FAM171A1: variants seen among roughly 807,000 people sequenced by gnomAD.
FAM171A1 encodes the protein family with sequence similarity 171 member A1, also known as protein FAM171A1.
A neutral mutation model predicts 74.9 loss-of-function variants in FAM171A1; 23 were observed. The ratio of observed to expected loss-of-function variants is 0.31; its 90% confidence interval spans 0.22 to 0.44. The LOEUF is 0.44. Among genes scored for constraint, FAM171A1 ranks in the 20% least tolerant of loss-of-function variants. FAM171A1 has a pLI of 1.00. For synonymous variants in FAM171A1, 527 were observed against 505.7 expected (o/e 1.04, Z -0.57); for missense variants, 1,162 against 1,159.2 (o/e 1.00, Z -0.03).
At chr10:15,221,525 T>A (rs938140846) in intron 5 of FAM171A1, among the ~76,000 whole-genome samples, 4 of 152,304 alleles carry the variant, frequency 2.6e-5, no homozygotes, top group South Asian at 4.1e-4. Context: ...AAAAAATAGA[T>A]CCCTTCATCC....
chr10:15,336,276 C>T (rs1049932412), intron 1 of FAM171A1, among the ~76,000 whole-genome samples: 6 of 151,570 alleles, frequency 4.0e-5, no homozygotes, highest in Non-Finnish European at 7.4e-5. Context: ...ATTATGCACA[C>T]GTTCCTCCTA....
At chr10:15,251,705 C>A (rs1222225035) in intron 4 of FAM171A1, among the ~76,000 whole-genome samples, 2 of 152,132 alleles carry the variant, frequency 1.3e-5, no homozygotes, top group African/African-American at 4.8e-5. Flanking sequence ...AGCCATCGCG[C>A]CTGGCCTATT....
intron 3 of FAM171A1, among the ~76,000 whole-genome samples, chr10:15,267,292 C>T (rs1834757609): frequency 1.3e-5 from 2 of 152,084 alleles, no homozygotes; most frequent in Admixed American, 1.3e-4. Context: ...CAGCCATATT[C>T]CACTCATGGA....
At chr10:15,354,802 A>G (rs1455331595) in intron 1 of FAM171A1, among the ~76,000 whole-genome samples, 1 of 152,220 alleles carries the variant, frequency 6.6e-6, no homozygotes, top group Non-Finnish European at 1.5e-5. Context: ...TGGTACAAGC[A>G]GAGGAAATAA....
At chr10:15,329,139 T>C (rs1266987753) in intron 1 of FAM171A1, among the ~76,000 whole-genome samples, 1 of 152,186 alleles carries the variant, frequency 6.6e-6, no homozygotes, top group African/African-American at 2.4e-5. Flanking sequence ...TAAAGAACTA[T>C]GTGAACAGCC....
intron 3 of FAM171A1, among the ~76,000 whole-genome samples, chr10:15,259,386 A>T (rs1834626375): frequency 6.6e-6 from 1 of 151,992 alleles, no homozygotes; most frequent in Admixed American, 6.6e-5. Flanking sequence ...TACTCTAATC[A>T]TGTCCTTTCC....
At chr10:15,324,327 C>T (rs1170312653) in intron 1 of FAM171A1, among the ~76,000 whole-genome samples, 2 of 152,150 alleles carry the variant, frequency 1.3e-5, no homozygotes, top group Non-Finnish European at 2.9e-5. Context: ...GGGGTAGATG[C>T]CCCAGGCAAT....
chr10:15,264,471 T>C (rs532084427), intron 3 of FAM171A1, among the ~76,000 whole-genome samples: 51 of 152,276 alleles, frequency 3.3e-4, no homozygotes, highest in South Asian at 2.9e-3. Context: ...ATAATTTTAA[T>C]ATGTCATTTA....
intron 3 of FAM171A1, among the ~76,000 whole-genome samples, chr10:15,270,636 C>T (rs546907495): frequency 1.8e-4 from 27 of 152,248 alleles, no homozygotes; most frequent in Admixed American, 1.5e-3. Context: ...CAGTAGGGGC[C>T]GACTGACACC....
chr10:15,245,346 C>T (rs952025922), intron 5 of FAM171A1, among the ~76,000 whole-genome samples: 2 of 152,200 alleles, frequency 1.3e-5, no homozygotes, highest in Non-Finnish European at 2.9e-5. Context: ...GTATTACAGG[C>T]ATGAGCCATG....
intron 5 of FAM171A1, among the ~76,000 whole-genome samples, chr10:15,230,529 A>G (rs1834191789): frequency 6.6e-6 from 1 of 152,242 alleles, no homozygotes; most frequent in Non-Finnish European, 1.5e-5. Flanking sequence ...GAAGCATGAA[A>G]TCATGAATGT....
intron 1 of FAM171A1, among the ~76,000 whole-genome samples, chr10:15,370,141 G>A (rs1484654974): frequency 6.6e-6 from 1 of 152,078 alleles, no homozygotes; most frequent in Non-Finnish European, 1.5e-5. Context: ...ATTCTCAGAG[G>A]CGACCACGTT....
chr10:15,262,733 T>C (rs1377922960), intron 3 of FAM171A1, among the ~76,000 whole-genome samples: 1 of 152,188 alleles, frequency 6.6e-6, no homozygotes, highest in Non-Finnish European at 1.5e-5. Context: ...TCAGTGATTT[T>C]GAGAGCTGAG....
intron 5 of FAM171A1, among the ~76,000 whole-genome samples, chr10:15,228,996 G>A (rs1477144409): frequency 6.6e-6 from 1 of 152,210 alleles, no homozygotes; most frequent in Non-Finnish European, 1.5e-5. Flanking sequence ...TCTAATAGAT[G>A]TATTTTTCCA....
chr10:15,275,861 A>C lies in FAM171A1; in HGVS notation c.412T>G (p.Phe138Val). ...YEDVVQIVSG[F>V]QGARPQPRVH... is the part of the protein sequence containing the mutation. ...AAAAAAATATTAAATATACCTTGGA[A>C]TCCTGATACTATTTGGACGACATCT... The change falls in exon 3 of 8, where the codon TTC (phenylalanine) becomes GTC (valine). Residue 138 changes from phenylalanine (F) to valine (V), a missense_variant. Physicochemically the swap from Phe to Val is conservative, Grantham distance 50. Coordinates refer to ENST00000378116, the MANE Select transcript of FAM171A1 (RefSeq NM_001010924.2). 1 of 1,602,648 alleles carries C rather than the reference A, an allele frequency of 6.2e-7. No individual in the cohort carries two copies.
intron 3 of FAM171A1, among the ~76,000 whole-genome samples, chr10:15,255,394 C>T (rs534925168): frequency 1.3e-5 from 2 of 152,206 alleles, no homozygotes; most frequent in Non-Finnish European, 2.9e-5. Context: ...AACAATACCC[C>T]AGCGGCAATG....
rs747672439 is a variant in FAM171A1 at position 15,254,874 on chromosome 10, G to C, written c.424C>G (p.Arg142Gly). The change falls in exon 4 of 8, where the codon CGG becomes GGG. Residue 142 changes from arginine to glycine, a missense_variant. Physicochemically the swap from Arg to Gly is moderately radical, Grantham distance 125. Transcript: ENST00000378116. Reference sequence around the variant, plus strand: ...TGGAAATGAACGCGAGGCTGTGGCCGGGCACCTGCAGAGATTAACCTCCGA... The same window carrying C: ...TGGAAATGAACGCGAGGCTGTGGCCCGGCACCTGCAGAGATTAACCTCCGA... ...VQIVSGFQGA[R>G]PQPRVHFQRR... 4 of 1,613,412 alleles carry C rather than the reference G, an allele frequency of 2.5e-6. No homozygotes were observed. Among genetic ancestry groups the C allele is most frequent in the East Asian group, 4.5e-5 (2 of 44,868 alleles).
chr10:15,266,919 G>A (rs1328542496), intron 3 of FAM171A1, among the ~76,000 whole-genome samples: 3 of 151,740 alleles, frequency 2.0e-5, no homozygotes, highest in African/African-American at 4.8e-5. Context: ...ATATCCCGGA[G>A]GCCAGGGAGT....
At chr10:15,275,419 T>A (rs904476825) in intron 3 of FAM171A1, among the ~76,000 whole-genome samples, 2 of 151,710 alleles carry the variant, frequency 1.3e-5, no homozygotes, top group Non-Finnish European at 2.9e-5. Context: ...CCCAAGTAGA[T>A]GGGATTACAG....
Sources: gnomAD v4.1 joint callset for allele counts (sites outside exome capture counted in the v4.1 genomes callset) on GRCh38, gnomAD v4.1.1 for gene constraint, MANE v1.5 for transcripts, NCBI Gene and HGNC (gene_info 2026-07-23, HGNC 2026-07-21) for gene names.